RPS6KA5: variants seen among roughly 807,000 people sequenced by gnomAD.
The protein encoded by RPS6KA5 is ribosomal protein S6 kinase A5.
A neutral mutation model predicts 85.5 loss-of-function variants in RPS6KA5; 27 were observed. That is an observed-to-expected ratio of 0.32 (90% CI 0.23 to 0.44). The LOEUF (loss-of-function observed/expected upper bound fraction) is 0.44. Among genes scored for constraint, RPS6KA5 ranks in the 20% least tolerant of loss-of-function variants. The pLI, the probability that RPS6KA5 is intolerant of heterozygous loss-of-function variation, is 1.00. For synonymous variants in RPS6KA5, 334 were observed against 348.2 expected (o/e 0.96, Z 0.46); for missense variants, 811 against 980.9 (o/e 0.83, Z 2.31).
chr14:90,974,037 C>CAAAATAA (rs2039447099), intron 3 of RPS6KA5, among the ~76,000 whole-genome samples: 1 of 61,444 alleles, frequency 1.6e-5, no homozygotes, highest in Non-Finnish European at 2.9e-5. Context: ...GACTCCATCT[C>CAAAATAA]AAAAAAAAAA....
At chr14:90,886,580 G>C (rs1415171136) in intron 14 of RPS6KA5, among the ~76,000 whole-genome samples, 1 of 152,192 alleles carries the variant, frequency 6.6e-6, no homozygotes, top group Non-Finnish European at 1.5e-5. Context: ...TGAGTGTGCA[G>C]ACCAAGGAAA....
chr14:91,049,923 AAGAGT>A (rs983954580), intron 1 of RPS6KA5, among the ~76,000 whole-genome samples: 4 of 152,232 alleles, frequency 2.6e-5, no homozygotes, highest in East Asian at 1.9e-4. Context: ...TAACCAGAGA[AAGAGT>A]AGAGTAAAAA....
chr14:91,025,454 T>TA (rs2041955440), intron 1 of RPS6KA5, among the ~76,000 whole-genome samples: 1 of 152,202 alleles, frequency 6.6e-6, no homozygotes, highest in South Asian at 2.1e-4. Flanking sequence ...TTTCCCTAAT[T>TA]ACATGTAATC....
At chr14:91,015,136 G>A (rs1047499938) in intron 1 of RPS6KA5, among the ~76,000 whole-genome samples, 2 of 152,152 alleles carry the variant, frequency 1.3e-5, no homozygotes, top group African/African-American at 4.8e-5. Flanking sequence ...TTGCACAGAG[G>A]TTTTTAAGAT....
intron 4 of RPS6KA5, among the ~76,000 whole-genome samples, chr14:90,944,843 C>G (rs2037783744): frequency 6.6e-6 from 1 of 151,776 alleles, no homozygotes; most frequent in African/African-American, 2.4e-5. Flanking sequence ...CACTTGAGCT[C>G]AGGGTGTTTG....
chr14:90,938,456 C>A (rs1021190473), intron 5 of RPS6KA5, among the ~76,000 whole-genome samples: 1 of 152,224 alleles, frequency 6.6e-6, no homozygotes, highest in Non-Finnish European at 1.5e-5. Context: ...GGCAGTGCCC[C>A]AGTAGGAACT....
chr14:91,042,534 C>G (rs762568448), intron 1 of RPS6KA5, among the ~76,000 whole-genome samples: 17 of 151,914 alleles, frequency 1.1e-4, no homozygotes, highest in Non-Finnish European at 2.2e-4. Flanking sequence ...TTTTGAAGAC[C>G]AGAATCACAA....
chr14:91,034,183 T>C (rs1306763807), intron 1 of RPS6KA5, among the ~76,000 whole-genome samples: 1 of 151,918 alleles, frequency 6.6e-6, no homozygotes. Flanking sequence ...TATACACCTG[T>C]AGTCCCAGCT....
At chr14:91,008,594 A>G (rs2140628684) in intron 1 of RPS6KA5, among the ~76,000 whole-genome samples, 1 of 152,354 alleles carries the variant, frequency 6.6e-6, no homozygotes. Context: ...TGGCTGGGAA[A>G]TTCTGTACTG....
At chr14:90,925,402 T>C (rs1344838939) in intron 5 of RPS6KA5, among the ~76,000 whole-genome samples, 1 of 152,176 alleles carries the variant, frequency 6.6e-6, no homozygotes, top group Non-Finnish European at 1.5e-5. Context: ...TTCGTTTCTG[T>C]CTAGGCCCTA....
At chr14:91,035,611 CAA>C (rs908475807) in intron 1 of RPS6KA5, among the ~76,000 whole-genome samples, 8 of 151,384 alleles carry the variant, frequency 5.3e-5, no homozygotes, top group Admixed American at 2.0e-4. Flanking sequence ...AAGAAAGAAA[CAA>C]GAGGAAAAAC....
At chr14:90,904,051 G>A (rs775460468) in intron 8 of RPS6KA5, among the ~76,000 whole-genome samples, 33 of 151,704 alleles carry the variant, frequency 2.2e-4, no homozygotes, top group Admixed American at 3.9e-4. Flanking sequence ...CTGAGTTCAC[G>A]CCATTCTCCT....
chr14:91,009,898 C>G (rs181971514), intron 1 of RPS6KA5, among the ~76,000 whole-genome samples: 69 of 152,048 alleles, frequency 4.5e-4, no homozygotes, highest in African/African-American at 1.5e-3. Context: ...AGAAAAAGAG[C>G]CAGAGAAGTG....
At chr14:91,006,365 C>G (rs1199206477) in intron 1 of RPS6KA5, among the ~76,000 whole-genome samples, 1 of 152,164 alleles carries the variant, frequency 6.6e-6, no homozygotes, top group African/African-American at 2.4e-5. Flanking sequence ...TGTTTGTATC[C>G]TCCAAAATTC....
chr14:90,978,567 C>G (rs768403155), intron 2 of RPS6KA5, 43 bp from the exon 3 acceptor site: 1 of 1,444,276 alleles, frequency 6.9e-7, no homozygotes, highest in Admixed American at 2.3e-5. Context: ...AAATGCTACA[C>G]AGGCAAAATG....
intron 3 of RPS6KA5, among the ~76,000 whole-genome samples, chr14:90,968,244 T>A (rs1253974320): frequency 6.6e-6 from 1 of 152,056 alleles, no homozygotes; most frequent in Non-Finnish European, 1.5e-5. Flanking sequence ...CTTCTCACAT[T>A]GCATCACCTG....
chr14:91,049,413 G>A (rs2042982780), intron 1 of RPS6KA5, among the ~76,000 whole-genome samples: 1 of 152,118 alleles, frequency 6.6e-6, no homozygotes, highest in Non-Finnish European at 1.5e-5. Flanking sequence ...AGGAGATTGA[G>A]ACCATCCTGG....
intron 2 of RPS6KA5, among the ~76,000 whole-genome samples, chr14:90,993,495 C>G (rs1010053783): frequency 2.6e-5 from 4 of 152,140 alleles, no homozygotes; most frequent in Non-Finnish European, 5.9e-5. Context: ...ACAACAACAA[C>G]AAGTGTCTTT....
chr14:90,895,594 A>C (rs2034794295), intron 12 of RPS6KA5, among the ~76,000 whole-genome samples: 1 of 152,194 alleles, frequency 6.6e-6, no homozygotes, highest in Non-Finnish European at 1.5e-5. Context: ...ATTTCCAAAA[A>C]ATAATACAGG....
Sources: gnomAD v4.1 joint callset for allele counts (sites outside exome capture counted in the v4.1 genomes callset) on GRCh38, gnomAD v4.1.1 for gene constraint, MANE v1.5 for transcripts, NCBI Gene and HGNC (gene_info 2026-07-23, HGNC 2026-07-21) for gene names.